Variants in TRIP12 observed in about 807,000 individuals in gnomAD.
The protein encoded by TRIP12 is E3 ubiquitin-protein ligase TRIP12.
A neutral mutation model predicts 244.2 loss-of-function variants in TRIP12; 25 were observed. The observed-to-expected ratio is 0.10, with a 90% CI of 0.07 to 0.14. The LOEUF (loss-of-function observed/expected upper bound fraction) is 0.14. Among genes scored for constraint, TRIP12 ranks in the 10% least tolerant of loss-of-function variants. TRIP12 has a pLI of 1.00. For synonymous variants in TRIP12, 905 were observed against 873.1 expected (o/e 1.04, Z -0.64); for missense variants, 1,677 against 2,486.4 (o/e 0.67, Z 6.92).
At chr2:229,823,886 T>A (rs760168824) in intron 8 of TRIP12, among the ~76,000 whole-genome samples, 1 of 152,024 alleles carries the variant, frequency 6.6e-6, no homozygotes, top group African/African-American at 2.4e-5. Flanking sequence ...GAAATCATTA[T>A]TAATAGTCTG....
At chr2:229,832,763 G>A (rs2053777814) in intron 6 of TRIP12, among the ~76,000 whole-genome samples, 1 of 152,192 alleles carries the variant, frequency 6.6e-6, no homozygotes, top group South Asian at 2.1e-4. Flanking sequence ...GAAACTGTAT[G>A]ACTCAAATAT....
chr2:229,788,684 A>G, intron 32 of TRIP12, 114 bp downstream of exon 32: 5 of 1,352,166 alleles, frequency 3.7e-6, no homozygotes, highest in Admixed American at 4.5e-5. Flanking sequence ...TGTGATCAAC[A>G]GTATTAATAA....
At chr2:229,906,483 A>G (rs2072862273) in intron 1 of TRIP12, among the ~76,000 whole-genome samples, 1 of 151,654 alleles carries the variant, frequency 6.6e-6, no homozygotes, top group Non-Finnish European at 1.5e-5. Context: ...GCACTTTAAG[A>G]GGCCGAGGCG....
At chr2:229,831,537 G>C (rs139443425) in intron 6 of TRIP12, among the ~76,000 whole-genome samples, 4 of 152,132 alleles carry the variant, frequency 2.6e-5, no homozygotes, top group Non-Finnish European at 5.9e-5. Flanking sequence ...TGCCTGAGTC[G>C]AGAGCACTGC....
At chr2:229,794,481 C>G (rs2042305475) in intron 26 of TRIP12, among the ~76,000 whole-genome samples, 1 of 152,060 alleles carries the variant, frequency 6.6e-6, no homozygotes, top group East Asian at 1.9e-4. Context: ...GCAGAAAGAT[C>G]TCTTCAGCCA....
intron 34 of TRIP12, among the ~76,000 whole-genome samples, chr2:229,782,420 G>T (rs1295743660): frequency 2.0e-5 from 3 of 152,054 alleles, no homozygotes; most frequent in African/African-American, 7.2e-5. Flanking sequence ...CTTTCACTAA[G>T]GTCTAACTCA....
intron 2 of TRIP12, among the ~76,000 whole-genome samples, chr2:229,865,919 A>G (rs1299753454): frequency 6.6e-6 from 1 of 152,146 alleles, no homozygotes; most frequent in East Asian, 1.9e-4. Flanking sequence ...AGCCCAAATG[A>G]TTCTATAATT....
At chr2:229,849,571 T>A (rs1293661012) in intron 4 of TRIP12, among the ~76,000 whole-genome samples, 7 of 151,808 alleles carry the variant, frequency 4.6e-5, no homozygotes, top group Admixed American at 2.0e-4. Context: ...TAAAAAAAAA[T>A]AATAGATCTG....
intron 5 of TRIP12, among the ~76,000 whole-genome samples, chr2:229,839,867 T>C (rs539602396): frequency 6.6e-6 from 1 of 152,320 alleles, no homozygotes; most frequent in East Asian, 1.9e-4. Context: ...ATATGAAATA[T>C]TAACTGTATC....
rs1268798250 is a variant in TRIP12, at chr2:229,796,633, C to A, written c.3774G>T (p.Glu1258Asp). 6.2e-7 allele frequency: 1 copy of A among 1,607,416 alleles called. No individual in the cohort carries two copies. Among genetic ancestry groups the A allele is most frequent in the Non-Finnish European group, 8.5e-7 (1 of 1,178,378 alleles). Residue 1258 changes from glutamate (E) to aspartate (D), a missense_variant, in exon 25 of 42, where the codon GAG (glutamate) becomes GAT (aspartate). This residue lies in a region of TRIP12 where 77 missense variants were observed against 69.2 expected (regional missense o/e 1.11). Transcript: ENST00000675903. ...SKSEKDAVSR[E>D]IRLKRFLHVF... ...CATGAAGAAATCGCTTTAATCTGAT[C>A]TCTCTGCTCACAGCATCCTTTTCAC...
intron 8 of TRIP12, among the ~76,000 whole-genome samples, chr2:229,826,700 CT>C (rs1413013344): frequency 1.3e-5 from 2 of 152,140 alleles, no homozygotes; most frequent in Non-Finnish European, 2.9e-5. Context: ...GGCTAGAAAC[CT>C]GTACAGCATG....
At chr2:229,797,927 C>A in intron 23 of TRIP12, 96 bp from the exon 24 acceptor site, 1 of 1,285,870 alleles carries the variant, frequency 7.8e-7, no homozygotes, top group South Asian at 1.5e-5. Flanking sequence ...TAAAATTCAT[C>A]CTGGTCTATG....
At chr2:229,776,582 G>T (rs999675136) in intron 37 of TRIP12, among the ~76,000 whole-genome samples, 1 of 152,090 alleles carries the variant, frequency 6.6e-6, no homozygotes, top group Non-Finnish European at 1.5e-5. Context: ...CATCAGGAGA[G>T]GTGACACTCT....
At chr2:229,818,066 T>C (rs1454254819) in intron 9 of TRIP12, among the ~76,000 whole-genome samples, 8 of 152,086 alleles carry the variant, frequency 5.3e-5, no homozygotes, top group African/African-American at 9.7e-5. Context: ...AAAAAGCATG[T>C]GCATTTTACA....
At chr2:229,827,470 T>C (rs2052012906) in intron 8 of TRIP12, among the ~76,000 whole-genome samples, 2 of 152,036 alleles carry the variant, frequency 1.3e-5, no homozygotes, top group Non-Finnish European at 1.5e-5. Context: ...AAAATTATTA[T>C]TATTATTATT....
intron 1 of TRIP12, among the ~76,000 whole-genome samples, chr2:229,907,976 A>C (rs1467528644): frequency 6.6e-6 from 1 of 152,162 alleles, no homozygotes; most frequent in East Asian, 1.9e-4. Context: ...TGTCAAAAAA[A>C]AAAAAAGGTT....
chr2:229,833,135 A>T (rs1233505418), intron 6 of TRIP12, among the ~76,000 whole-genome samples: 1 of 152,244 alleles, frequency 6.6e-6, no homozygotes, highest in Admixed American at 6.5e-5. Flanking sequence ...TAAATATTTT[A>T]TTCTAACGAC....
At position 229,885,374 on chromosome 2, in the gene TRIP12, AG is replaced by A. The variant is rs542297144; in HGVS notation, c.-49-5247del. Among the ~76,000 whole-genome samples the A allele has an allele frequency of 3.3e-5, 5 of 152,356 alleles. No individual in the cohort carries two copies. The East Asian group carries it at 9.6e-4, about 29-fold the overall frequency. ...CATTTTGTAAAATTTAAATGTGACA[AG>A]GAGTCATATAAACCATTGCCCATTA... On this transcript the variant is annotated intron_variant, in intron 1 of 41. Transcript: ENST00000675903.
At chr2:229,855,480 T>C (rs368120880) in intron 4 of TRIP12, among the ~76,000 whole-genome samples, 2 of 151,724 alleles carry the variant, frequency 1.3e-5, no homozygotes, top group East Asian at 3.9e-4. Flanking sequence ...ATAGTATTCA[T>C]CTCTAAATTT....
Sources: allele counts gnomAD v4.1 joint callset (sites outside exome capture counted in the v4.1 genomes callset), GRCh38; gene constraint gnomAD v4.1.1; regional missense constraint gnomAD v4.1.1; transcripts MANE v1.5; gene names NCBI Gene and HGNC (gene_info 2026-07-23, HGNC 2026-07-21).